The following SUCLG2 variants were observed in gnomAD, a reference collection of about 807,000 sequenced individuals.
SUCLG2 encodes succinate--CoA ligase [GDP-forming] subunit beta, mitochondrial.
In SUCLG2, 42 loss-of-function variants were observed where a neutral mutation model predicts 47.9. That is an observed-to-expected ratio of 0.88 (90% CI 0.69 to 1.14). The LOEUF is 1.14. Among genes scored for constraint, SUCLG2 ranks in the 50% most tolerant of loss-of-function variants. SUCLG2 has a pLI of 0.00. For synonymous variants in SUCLG2, 195 were observed against 197.3 expected, an observed-to-expected ratio of 0.99 and a Z score of 0.10; for missense variants, 571 against 525.9, an observed-to-expected ratio of 1.09 and a Z score of -0.84.
At chr3:67,373,602 G>T (rs1188903638), downstream of SUCLG2, among the ~76,000 whole-genome samples, 1 of 151,858 alleles carries the variant, frequency 6.6e-6, no homozygotes, top group Non-Finnish European at 1.5e-5. Context: ...AATGAACCGG[G>T]GCCAGATTCA....
intron 10 of SUCLG2, among the ~76,000 whole-genome samples, chr3:67,382,465 C>G (rs1265176813): frequency 6.6e-6 from 1 of 152,200 alleles, no homozygotes; most frequent in East Asian, 1.9e-4. Context: ...CCAGTTAACC[C>G]TGACAGGTCT....
intron 9 of SUCLG2, among the ~76,000 whole-genome samples, chr3:67,494,693 C>T (rs1424380535): frequency 6.6e-6 from 1 of 152,150 alleles, no homozygotes; most frequent in African/African-American, 2.4e-5. Flanking sequence ...ATACGTACTT[C>T]ACAGGCCTGT....
intron 9 of SUCLG2, among the ~76,000 whole-genome samples, chr3:67,428,105 GCA>G (rs1437134229): frequency 6.6e-6 from 1 of 152,196 alleles, no homozygotes; most frequent in South Asian, 2.1e-4. Context: ...GGTTCTCCCA[GCA>G]CAGAGTTTGA....
chr3:67,579,097 T>A (rs1238217471), intron 2 of SUCLG2, among the ~76,000 whole-genome samples: 2 of 152,216 alleles, frequency 1.3e-5, no homozygotes, highest in African/African-American at 4.8e-5. Flanking sequence ...AATTTCAGTA[T>A]GTTATGTGCA....
intron 2 of SUCLG2, among the ~76,000 whole-genome samples, chr3:67,588,949 G>A (rs1317425166): frequency 6.6e-6 from 1 of 151,826 alleles, no homozygotes; most frequent in African/African-American, 2.4e-5. Context: ...GGATTTCACT[G>A]GAACAAAATC....
At chr3:67,646,399 A>G (rs943993427) in intron 1 of SUCLG2, among the ~76,000 whole-genome samples, 1 of 152,154 alleles carries the variant, frequency 6.6e-6, no homozygotes, top group Non-Finnish European at 1.5e-5. Context: ...GTTGAAGACA[A>G]GCCTGGCCAA....
intron 4 of SUCLG2, among the ~76,000 whole-genome samples, chr3:67,527,266 T>C (rs1256854116): frequency 6.6e-6 from 1 of 152,250 alleles, no homozygotes; most frequent in Non-Finnish European, 1.5e-5. Flanking sequence ...AGCAGACAGC[T>C]GCCACCCCAA....
chr3:67,505,863 G>A (rs1705622557), intron 7 of SUCLG2, among the ~76,000 whole-genome samples: 2 of 152,150 alleles, frequency 1.3e-5, no homozygotes, highest in Admixed American at 6.5e-5. Flanking sequence ...TCGGGAGGCT[G>A]ACGTAGGAGA....
chr3:67,446,625 G>A (rs111796700), intron 9 of SUCLG2, among the ~76,000 whole-genome samples: 8,748 of 150,286 alleles, frequency 0.058, 347 homozygotes, highest in Middle Eastern at 0.13. Context: ...GTAGAGATGG[G>A]ATTTCACCAT....
At chr3:67,470,417 G>A (rs1704576999) in intron 9 of SUCLG2, among the ~76,000 whole-genome samples, 1 of 152,130 alleles carries the variant, frequency 6.6e-6, no homozygotes, top group African/African-American at 2.4e-5. Context: ...ATGATGCAAT[G>A]GTTTGAATGT....
At chr3:67,593,090 A>G (rs185646574) in intron 2 of SUCLG2, among the ~76,000 whole-genome samples, 39 of 152,318 alleles carry the variant, frequency 2.6e-4, no homozygotes, top group African/African-American at 9.4e-4. Flanking sequence ...ATATACGTCA[A>G]CCTCCACATT....
chr3:67,543,034 T>C (rs549853817), intron 2 of SUCLG2, among the ~76,000 whole-genome samples: 7 of 152,254 alleles, frequency 4.6e-5, no homozygotes, highest in South Asian at 2.1e-4. Flanking sequence ...CACCACCACA[T>C]TGTACTTATT....
At chr3:67,475,591 C>G (rs1704727872) in intron 9 of SUCLG2, among the ~76,000 whole-genome samples, 1 of 152,192 alleles carries the variant, frequency 6.6e-6, no homozygotes, top group South Asian at 2.1e-4. Flanking sequence ...ACCTTTAAAT[C>G]AAATGATTTG....
intron 1 of SUCLG2, among the ~76,000 whole-genome samples, chr3:67,620,316 G>A (rs1700710824): frequency 1.8e-5 from 2 of 110,820 alleles, no homozygotes; most frequent in Non-Finnish European, 3.7e-5. Context: ...GGGTGCAGTG[G>A]CTCACACCCG....
intron 9 of SUCLG2, among the ~76,000 whole-genome samples, chr3:67,418,674 G>C: frequency 6.6e-6 from 1 of 152,168 alleles, no homozygotes; most frequent in East Asian, 1.9e-4. Context: ...CCTGGAGATG[G>C]AAGAATCTTT....
chr3:67,642,621 A>G lies in SUCLG2; in HGVS notation c.84+11882T>C, dbSNP rs143492504. On this transcript the variant is annotated intron_variant, in intron 1 of 10. Transcript: ENST00000307227. ...CACAACAAGACCCCATCTCTACATA[A>G]ATAAGTAAAGAAAATAAAATGAGCT... 2.5e-3 allele frequency among the ~76,000 whole-genome samples: 385 copies of G among 152,240 alleles called. 2 individuals are homozygous for G. Among genetic ancestry groups the G allele is most frequent in the African/African-American group, 9.0e-3 (375 of 41,534 alleles).
intron 2 of SUCLG2, among the ~76,000 whole-genome samples, chr3:67,589,760 G>A (rs1331427062): frequency 6.6e-6 from 1 of 152,190 alleles, no homozygotes; most frequent in African/African-American, 2.4e-5. Context: ...ATACTCATGA[G>A]GCACCTCACA....
chr3:67,565,893 T>A (rs974936597), intron 2 of SUCLG2, among the ~76,000 whole-genome samples: 4 of 152,248 alleles, frequency 2.6e-5, no homozygotes, highest in African/African-American at 9.6e-5. Context: ...CAAGGCAGAT[T>A]CACTGCTCAA....
chr3:67,499,367 G>A (rs539977829), intron 7 of SUCLG2, among the ~76,000 whole-genome samples: 5 of 152,248 alleles, frequency 3.3e-5, no homozygotes, highest in Admixed American at 2.6e-4. Flanking sequence ...CAAGGGCCAT[G>A]CCCTTGATTC....
Sources: gnomAD v4.1 joint callset for allele counts (sites outside exome capture counted in the v4.1 genomes callset) on GRCh38, gnomAD v4.1.1 for gene constraint, MANE v1.5 for transcripts, NCBI Gene and HGNC (gene_info 2026-07-23, HGNC 2026-07-21) for gene names.